Variants in ITPR2 observed in about 807,000 individuals in gnomAD.
The protein encoded by ITPR2 is inositol 1,4,5-trisphosphate receptor type 2.
In ITPR2, 207 loss-of-function variants were observed where a neutral mutation model predicts 317.1. The observed-to-expected ratio is 0.65, with a 90% CI of 0.58 to 0.73. The LOEUF (loss-of-function observed/expected upper bound fraction) is 0.73. Ranked by LOEUF, ITPR2 falls within the 30% of genes least tolerant of loss-of-function variation. ITPR2 has a pLI of 0.00. For missense variants in ITPR2, 2,613 were observed against 3,284.0 expected (o/e 0.80, Z 4.99); for synonymous variants, 1,156 against 1,149.1 (o/e 1.01, Z -0.12).
chr12:26,575,382 A>G (rs1945252135), intron 34 of ITPR2, among the ~76,000 whole-genome samples: 1 of 151,952 alleles, frequency 6.6e-6, no homozygotes, highest in Non-Finnish European at 1.5e-5. Context: ...CCAAGAAGAA[A>G]GTAATGAAGG....
At chr12:26,699,826 G>A (rs575749636) in intron 9 of ITPR2, among the ~76,000 whole-genome samples, 4 of 151,954 alleles carry the variant, frequency 2.6e-5, no homozygotes, top group Non-Finnish European at 5.9e-5. Context: ...AAGTAAGAGA[G>A]TAAAAATGAA....
Position 26,481,171 on chromosome 12 carries a change from G to C in ITPR2, c.6083C>G (p.Pro2028Arg). The change falls in exon 43 of 57, where the codon CCT becomes CGT. Residue 2028 changes from proline (P) to arginine (R), a missense_variant. Physicochemically the swap from Pro to Arg is moderately radical, Grantham distance 103. This residue lies in a region of ITPR2 where 926 missense variants were observed against 1,072.8 expected (regional missense o/e 0.86). Coordinates refer to ENST00000381340, the MANE Select transcript of ITPR2 (RefSeq NM_002223.4). ...IIALILNDIN[P>R]LGKYRMDLVL... ...CAGGTCCATTCGGTATTTACCAAGAGGGTTTATGTCATTCAGAATCAAAGC... is the reference window on the plus strand; with the variant it reads ...CAGGTCCATTCGGTATTTACCAAGACGGTTTATGTCATTCAGAATCAAAGC... The C allele has an allele frequency of 1.2e-6, 2 of 1,613,386 alleles. No homozygotes were observed. Among genetic ancestry groups the C allele is most frequent in the Non-Finnish European group, 1.7e-6 (2 of 1,179,360 alleles).
intron 1 of ITPR2, among the ~76,000 whole-genome samples, chr12:26,811,944 T>A (rs1950759260): frequency 6.7e-6 from 1 of 150,346 alleles, no homozygotes; most frequent in Admixed American, 6.6e-5. Context: ...GGCAGATCAC[T>A]TGAGGCCAGG....
At chr12:26,777,537 G>A (rs1296694411) in intron 2 of ITPR2, among the ~76,000 whole-genome samples, 1 of 152,188 alleles carries the variant, frequency 6.6e-6, no homozygotes, top group African/African-American at 2.4e-5. Flanking sequence ...GGAAAGCAGA[G>A]GCAAAGCAAC....
chr12:26,347,879 C>T lies in ITPR2; in HGVS notation c.7858-7551G>A, dbSNP rs115741838. Among the ~76,000 whole-genome samples the T allele has an allele frequency of 9.0e-3, 1,377 of 152,310 alleles. 26 individuals are homozygous for T. Among genetic ancestry groups the T allele is most frequent in the African/African-American group, 0.032 (1,327 of 41,562 alleles). On this transcript the variant is annotated intron_variant, in intron 55 of 56. Transcript: ENST00000381340. ...TGTGATTTTGTAGAATGCTCTGAAA[C>T]ACTGCTAATAAAGAACAACCCATGA...
chr12:26,798,820 C>A (rs1950502820), intron 1 of ITPR2, among the ~76,000 whole-genome samples: 1 of 152,174 alleles, frequency 6.6e-6, no homozygotes, highest in Non-Finnish European at 1.5e-5. Context: ...GAAGTAATTT[C>A]ATTGCAAAAC....
At chr12:26,780,458 G>A (rs1950058107) in intron 2 of ITPR2, among the ~76,000 whole-genome samples, 1 of 152,174 alleles carries the variant, frequency 6.6e-6, no homozygotes, top group African/African-American at 2.4e-5. Flanking sequence ...CATTGCCACT[G>A]ACCAAGGCAC....
intron 34 of ITPR2, among the ~76,000 whole-genome samples, chr12:26,578,340 A>AAAACT (rs1482509532): frequency 6.6e-6 from 1 of 152,188 alleles, no homozygotes; most frequent in Non-Finnish European, 1.5e-5. Flanking sequence ...ACAAAATTGG[A>AAAACT]AAACTACAAG....
rs1176125556 is a variant in ITPR2, at chr12:26,659,002, C to A, written c.1886+111G>T. 1.2e-5 allele frequency: 9 copies of A among 748,416 alleles called. No homozygotes were observed. The East Asian group carries it at 2.1e-4, about 17-fold the overall frequency. 46.4% of individuals were successfully genotyped at this position (748,416 alleles called of 1,614,324 possible). ...TTATAGCAATAAGCCCAACATAGTTCGTCCATAAAAGTTAGTGATGTGAAA... is the reference window on the plus strand; with the variant it reads ...TTATAGCAATAAGCCCAACATAGTTAGTCCATAAAAGTTAGTGATGTGAAA... On this transcript the variant is annotated intron_variant, in intron 16 of 56. Transcript: ENST00000381340.
Position 26,725,705 on chromosome 12 carries a change from G to A in ITPR2, c.224C>T (p.Ala75Val). The change falls in exon 3 of 57, where the codon GCA (alanine) becomes GTA (valine). Residue 75 changes from alanine to valine, a missense_variant. By Grantham distance (64) the Ala-to-Val change is moderately conservative. Coordinates refer to ENST00000381340, the MANE Select transcript of ITPR2 (RefSeq NM_002223.4). ...RYSAQKQYWK[A>V]KQAKQGNHTE... ...GTGGTTCCCTTGTTTGGCTTGCTTT[G>A]CTTTCCAATATTGCTTCTGGGCAGA... The A allele has an allele frequency of 6.2e-7, 1 of 1,613,378 alleles. No homozygotes were observed.
chr12:26,774,367 G>C (rs910601573), intron 2 of ITPR2, among the ~76,000 whole-genome samples: 2 of 152,180 alleles, frequency 1.3e-5, no homozygotes, highest in Admixed American at 6.5e-5. Context: ...GCCTGGGTGT[G>C]GTGGCTCATG....
chr12:26,596,243 A>G (rs1427339139), intron 31 of ITPR2, among the ~76,000 whole-genome samples: 1 of 152,244 alleles, frequency 6.6e-6, no homozygotes, highest in African/African-American at 2.4e-5. Flanking sequence ...ATGCTCAAGT[A>G]CATACTAAAG....
chr12:26,592,116 G>T (rs553220885), intron 32 of ITPR2, among the ~76,000 whole-genome samples: 1 of 152,300 alleles, frequency 6.6e-6, no homozygotes, highest in East Asian at 1.9e-4. Context: ...GACGGAACTG[G>T]AGGTCATTAT....
intron 49 of ITPR2, among the ~76,000 whole-genome samples, chr12:26,425,617 G>A (rs765482849): frequency 4.0e-5 from 6 of 149,720 alleles, no homozygotes; most frequent in African/African-American, 7.4e-5. Flanking sequence ...GCAGTGAGCC[G>A]AGATCACGCC....
rs368371370 is a variant in ITPR2, at chr12:26,640,931, G to T, written c.2741-8872C>A. On this transcript the variant is annotated intron_variant, in intron 21 of 56. Transcript: ENST00000381340. ...TACTGGGGAAACAGCAGGAGACAGA[G>T]CTGGAGATGTCTAACTCAGATTATG... Among the ~76,000 whole-genome samples, 17 of 152,300 alleles carry T rather than the reference G, an allele frequency of 1.1e-4. No homozygotes were observed. In the East Asian group the frequency reaches 1.2e-3, roughly 10 times the overall value.
At chr12:26,468,554 C>A (rs1420221537) in intron 45 of ITPR2, among the ~76,000 whole-genome samples, 6 of 143,878 alleles carry the variant, frequency 4.2e-5, no homozygotes, top group Non-Finnish European at 6.0e-5. Context: ...AGGCACTGAA[C>A]AAATATAGAA....
intron 13 of ITPR2, among the ~76,000 whole-genome samples, chr12:26,677,971 G>A (rs144410519): frequency 9.6e-4 from 146 of 152,192 alleles, no homozygotes; most frequent in Non-Finnish European, 1.8e-3. Context: ...CCCTCGAGAG[G>A]GTAAGTTTCA....
chr12:26,467,909 A>G (rs1335255823), intron 45 of ITPR2, among the ~76,000 whole-genome samples: 1 of 152,058 alleles, frequency 6.6e-6, no homozygotes, highest in Non-Finnish European at 1.5e-5. Flanking sequence ...ATACCCAGGC[A>G]TTTTTTTCCC....
chr12:26,629,161 G>T (rs577788598), intron 22 of ITPR2, among the ~76,000 whole-genome samples: 5 of 151,814 alleles, frequency 3.3e-5, no homozygotes, highest in South Asian at 4.2e-4. Flanking sequence ...CTCCTCCTAC[G>T]CCCCTTCTCT....
Sources: allele counts gnomAD v4.1 joint callset (sites outside exome capture counted in the v4.1 genomes callset), GRCh38; gene constraint gnomAD v4.1.1; regional missense constraint gnomAD v4.1.1; transcripts MANE v1.5; gene names NCBI Gene and HGNC (gene_info 2026-07-23, HGNC 2026-07-21).